RLIG1: variants seen among roughly 807,000 people sequenced by gnomAD.
RLIG1 encodes the protein RNA 5'-phosphate and 3'-OH ligase 1.
the RLIG1 span, chr12:88,045,909 T>C: frequency 1.5e-6 from 1 of 679,894 alleles, no homozygotes; most frequent in Non-Finnish European, 2.4e-6. Flanking sequence ...CCTAGGATTA[T>C]ATCCATTTCT....
the RLIG1 span, chr12:88,043,631 C>T: frequency 6.2e-7 from 1 of 1,612,266 alleles, no homozygotes; most frequent in Non-Finnish European, 8.5e-7. Flanking sequence ...GGACTTCAAA[C>T]CAGCTCCGGA....
At chr12:88,039,967 A>G in the RLIG1 span, among the ~76,000 whole-genome samples, 1 of 152,154 alleles carries the variant, frequency 6.6e-6, no homozygotes, top group African/African-American at 2.4e-5. Flanking sequence ...TTGCTGTGAT[A>G]GTACAGAAGG....
At chr12:88,038,294 T>C in the RLIG1 span, among the ~76,000 whole-genome samples, 1 of 149,876 alleles carries the variant, frequency 6.7e-6, no homozygotes, top group East Asian at 1.9e-4. Context: ...GTTTTACTCC[T>C]TTTTTTATAT....
chr12:88,049,186 A>G, the RLIG1 span: 1 of 1,570,220 alleles, frequency 6.4e-7, no homozygotes, highest in African/African-American at 1.4e-5. Flanking sequence ...GGTGACCTTT[A>G]GTAAATGGGG....
chr12:88,049,379 A>C, the RLIG1 span: 1 of 1,545,854 alleles, frequency 6.5e-7, no homozygotes, highest in Non-Finnish European at 8.8e-7. Context: ...AAGGATCAAA[A>C]TTTTCCAGTT....
At chr12:88,043,952 A>C in the RLIG1 span, 28 of 494,414 alleles carry the variant, frequency 5.7e-5, no homozygotes, top group African/African-American at 5.0e-4. Flanking sequence ...TACTAGCTGT[A>C]GTCTGTGACA....
the RLIG1 span, chr12:88,048,628 G>GT: frequency 2.8e-6 from 1 of 358,920 alleles, no homozygotes; most frequent in African/African-American, 2.1e-5. Flanking sequence ...AAAAACATAA[G>GT]TAATAGTAAG....
chr12:88,044,506 A>AT, the RLIG1 span: 1 of 152,242 alleles, frequency 6.6e-6, no homozygotes, highest in Non-Finnish European at 1.5e-5. Flanking sequence ...TAATACAAAA[A>AT]TGAAGGTCAG....
At chr12:88,048,206 A>C in the RLIG1 span, 1 of 1,490,568 alleles carries the variant, frequency 6.7e-7, no homozygotes, top group Non-Finnish European at 8.9e-7. Context: ...TCTGTATGCT[A>C]AAGCTAATAC....
the RLIG1 span, chr12:88,035,798 C>G: frequency 6.4e-7 from 1 of 1,552,064 alleles, no homozygotes; most frequent in Admixed American, 2.0e-5. Context: ...GCGGCGCTGG[C>G]TCAGTGCGAA....
the RLIG1 span, chr12:88,036,062 CCCCCTAAT>C: frequency 7.1e-7 from 1 of 1,403,866 alleles, no homozygotes; most frequent in Non-Finnish European, 9.4e-7. Context: ...TTTGGGGAAA[CCCCCTAAT>C]CAGGTAATTG....
At chr12:88,035,562 C>CG in the RLIG1 span, 2 of 1,365,572 alleles carry the variant, frequency 1.5e-6, no homozygotes, top group East Asian at 5.0e-5. Flanking sequence ...CTGAGCCGTG[C>CG]GGGTGACTGC....
chr12:88,038,085 G>T, the RLIG1 span, among the ~76,000 whole-genome samples: 1 of 152,148 alleles, frequency 6.6e-6, no homozygotes, highest in Non-Finnish European at 1.5e-5. Flanking sequence ...GGTGAAAATT[G>T]TTAGGGGAAA....
chr12:88,042,824 G>T, the RLIG1 span: 1 of 1,472,318 alleles, frequency 6.8e-7, no homozygotes, highest in South Asian at 1.5e-5. Flanking sequence ...TACTTTTTTA[G>T]ATCAGCCATA....
the RLIG1 span, among the ~76,000 whole-genome samples, chr12:88,048,061 T>C: frequency 6.6e-6 from 1 of 151,316 alleles, no homozygotes; most frequent in East Asian, 1.9e-4. Flanking sequence ...ATGGGGAAGA[T>C]AGACAATAAA....
the RLIG1 span, chr12:88,049,195 GGAAA>G: frequency 1.3e-6 from 2 of 1,586,010 alleles, no homozygotes. Context: ...TAGTAAATGG[GGAAA>G]TTAACAGGAC....
At chr12:88,037,364 TATGACAG>T in the RLIG1 span, among the ~76,000 whole-genome samples, 1 of 150,610 alleles carries the variant, frequency 6.6e-6, no homozygotes, top group Non-Finnish European at 1.5e-5. Context: ...TAAAGCCTTT[TATGACAG>T]GTGGAGAAGG....
At chr12:88,039,138 A>G in the RLIG1 span, among the ~76,000 whole-genome samples, 7,797 of 152,144 alleles carry the variant, frequency 0.051, 684 homozygotes, top group African/African-American at 0.18. Context: ...TCATTTACAA[A>G]TTTTCTATAA....
chr12:88,045,906 T>G, the RLIG1 span: 1 of 689,424 alleles, frequency 1.5e-6, no homozygotes, highest in South Asian at 2.0e-5. Context: ...TTTCCTAGGA[T>G]TATATCCATT....
Sources: allele counts gnomAD v4.1 joint callset (sites outside exome capture counted in the v4.1 genomes callset), GRCh38; gene constraint gnomAD v4.1.1; transcripts MANE v1.5; gene names NCBI Gene and HGNC (gene_info 2026-07-23, HGNC 2026-07-21).